SNX14: variants seen among roughly 807,000 people sequenced by gnomAD.
The protein encoded by SNX14 is sorting nexin-14.
Under a neutral mutation model 133.8 loss-of-function variants are expected in SNX14, and 93 were observed. That is an observed-to-expected ratio of 0.70 (90% CI 0.59 to 0.83). The LOEUF is 0.83. Among genes scored for constraint, SNX14 ranks in the 40% least tolerant of loss-of-function variants. The pLI, the probability that SNX14 is intolerant of heterozygous loss-of-function variation, is 0.00. For synonymous variants in SNX14, 368 were observed against 365.6 expected (o/e 1.01, Z -0.07); for missense variants, 945 against 1,094.9 (o/e 0.86, Z 1.93).
intron 23 of SNX14, among the ~76,000 whole-genome samples, chr6:85,516,583 A>G (rs1775063818): frequency 6.6e-6 from 1 of 151,968 alleles, no homozygotes; most frequent in Admixed American, 6.6e-5. Context: ...GAGAAAGAAA[A>G]ATTATAGGCT....
At chr6:85,524,959 ATGTACT>A (rs1401893600) in intron 21 of SNX14, among the ~76,000 whole-genome samples, 2 of 152,158 alleles carry the variant, frequency 1.3e-5, no homozygotes, top group Admixed American at 6.5e-5. Context: ...TTTTTTATAC[ATGTACT>A]TGTAATGTAT....
intron 1 of SNX14, among the ~76,000 whole-genome samples, chr6:85,579,749 A>G (rs1430552843): frequency 1.3e-5 from 2 of 152,244 alleles, no homozygotes; most frequent in Non-Finnish European, 2.9e-5. Flanking sequence ...CCTGAGTTTC[A>G]GCAATCCTTG....
chr6:85,558,729 C>T (rs895896643), intron 6 of SNX14, among the ~76,000 whole-genome samples: 4 of 152,068 alleles, frequency 2.6e-5, no homozygotes, highest in Non-Finnish European at 5.9e-5. Context: ...CTCCCAACAG[C>T]CTCCCAAAGT....
intron 18 of SNX14, among the ~76,000 whole-genome samples, chr6:85,533,042 AC>A (rs1401099956): frequency 6.6e-6 from 1 of 152,094 alleles, no homozygotes; most frequent in East Asian, 1.9e-4. Context: ...ACGCACCAAG[AC>A]GTGTGGCTAA....
At chr6:85,553,090 G>T (rs544521901) in intron 7 of SNX14, among the ~76,000 whole-genome samples, 1 of 152,262 alleles carries the variant, frequency 6.6e-6, no homozygotes, top group Admixed American at 6.5e-5. Context: ...AATTCAGGTC[G>T]TAAGCATTAG....
In SNX14 at chr6:85,541,706, T is replaced by C. The variant is rs556101314; in HGVS notation, c.1448+279A>G. On this transcript the variant is annotated intron_variant, in intron 15 of 28. Coordinates refer to ENST00000314673, the MANE Select transcript of SNX14 (RefSeq NM_153816.6). ...CTGTGGATGCCACTTATGCATTCAG[T>C]CCCTAGTCTCCAATAAAGCTGGTAA... Among the ~76,000 whole-genome samples, 65 of 152,182 alleles carry C rather than the reference T, an allele frequency of 4.3e-4. 3 individuals are homozygous for C. Among genetic ancestry groups the C allele is most frequent in the Non-Finnish European group, 5.9e-5 (4 of 68,020 alleles).
At chr6:85,506,048 G>A (rs62443330) in intron 28 of SNX14, 43 bp from the exon 29 acceptor site, 50,777 of 1,329,308 alleles carry the variant, frequency 0.038, 1,206 homozygotes, top group Non-Finnish European at 0.046. Context: ...CAAGACACAG[G>A]TTCATTTGTA....
At position 85,530,262 on chromosome 6, in the gene SNX14, A is replaced by T. The variant is rs780173549; in HGVS notation, c.1824T>A (p.Pro608=). The T allele has an allele frequency of 1.9e-6, 3 of 1,599,164 alleles. No individual in the cohort carries two copies. Among genetic ancestry groups the T allele is most frequent in the East Asian group, 2.3e-5 (1 of 44,046 alleles). ...ATCTTCTATAGACAGACCAATGTTC[A>T]GGCTCGTGTCCAACTGTAAATTGAG... The part of the protein sequence containing the change: ...RNDRRAVGHE[P]EHWSVYRRYL... The change falls in exon 19 of 29, where the codon CCT becomes CCA. Residue 608 remains proline, a synonymous_variant. Transcript: ENST00000314673.
intron 1 of SNX14, among the ~76,000 whole-genome samples, chr6:85,586,919 G>A (rs990507206): frequency 6.6e-6 from 1 of 152,152 alleles, no homozygotes; most frequent in Non-Finnish European, 1.5e-5. Flanking sequence ...GATGGTGGAT[G>A]CCTGTAATCC....
intron 26 of SNX14, among the ~76,000 whole-genome samples, chr6:85,509,787 T>A (rs1001399856): frequency 6.6e-6 from 1 of 152,190 alleles, no homozygotes; most frequent in Non-Finnish European, 1.5e-5. Context: ...GTAGTTTCAC[T>A]GCCCCAAAAA....
chr6:85,566,091 C>A (rs1793728290), intron 5 of SNX14, among the ~76,000 whole-genome samples: 1 of 152,158 alleles, frequency 6.6e-6, no homozygotes, highest in Non-Finnish European at 1.5e-5. Context: ...ACTGTTAACC[C>A]TACAGAAGGG....
At position 85,543,582 on chromosome 6, in the gene SNX14, C is replaced by A; in HGVS notation, c.1264+23G>T. ...AAAACTGTAAGAGTGCTAAATAAGT[C>A]ATTCTTATCGTCTTTGACTTACTTC... On this transcript the variant is annotated intron_variant, in intron 13 of 28. Transcript: ENST00000314673. 1.9e-6 allele frequency: 3 copies of A among 1,542,468 alleles called. No homozygotes were observed. In the South Asian group the frequency reaches 3.7e-5, roughly 19 times the overall value.
At chr6:85,534,636 C>T (rs1009454639) in intron 17 of SNX14, among the ~76,000 whole-genome samples, 4 of 152,130 alleles carry the variant, frequency 2.6e-5, no homozygotes, top group African/African-American at 7.2e-5. Flanking sequence ...AGATAGCCTC[C>T]TATTCCTAAA....
chr6:85,588,737 C>T (rs1801838013), intron 1 of SNX14: 3 of 326,514 alleles, frequency 9.2e-6, no homozygotes, highest in South Asian at 5.4e-5. Flanking sequence ...AAAGCCTTAC[C>T]AATACAGTAA....
chr6:85,512,168 A>G (rs1353290270), intron 26 of SNX14, among the ~76,000 whole-genome samples: 2 of 152,128 alleles, frequency 1.3e-5, no homozygotes, highest in East Asian at 3.9e-4. Context: ...GGCTCTGGTC[A>G]CTTTCTACTG....
At chr6:85,532,459 T>A (rs1209021763) in intron 18 of SNX14, among the ~76,000 whole-genome samples, 1 of 152,240 alleles carries the variant, frequency 6.6e-6, no homozygotes, top group Non-Finnish European at 1.5e-5. Flanking sequence ...GATCAACTTC[T>A]GAGGAAAATC....
At position 85,530,310 on chromosome 6, in the gene SNX14, T is replaced by C. The variant is rs770552790; in HGVS notation, c.1811-35A>G. 2.3e-6 allele frequency: 3 copies of C among 1,324,086 alleles called. No homozygotes were observed. In the African/African-American group the frequency reaches 4.5e-5, roughly 20 times the overall value. The allele number at this position is 1,324,086 out of a possible 1,614,324, so 82.0% of individuals were successfully genotyped here. ...GAGTACACACACACTGAGTAACAAA[T>C]AATTTCAAAACCTAAAAGAATGCCA... On this transcript the variant is annotated intron_variant, in intron 18 of 28. Coordinates refer to ENST00000314673, the MANE Select transcript of SNX14 (RefSeq NM_153816.6).
chr6:85,543,439 AATAC>A, intron 13 of SNX14, 133 bp from the exon 14 acceptor site: 1 of 1,060,614 alleles, frequency 9.4e-7, no homozygotes, highest in East Asian at 2.8e-5. Flanking sequence ...AGTTCTGACA[AATAC>A]ATAAAGTATA....
At chr6:85,582,920 T>G (rs778976116) in intron 1 of SNX14, among the ~76,000 whole-genome samples, 3 of 152,208 alleles carry the variant, frequency 2.0e-5, no homozygotes, top group Non-Finnish European at 4.4e-5. Context: ...AAACTCATTT[T>G]ATGAGTCCAG....
Sources: allele counts gnomAD v4.1 joint callset (sites outside exome capture counted in the v4.1 genomes callset), GRCh38; gene constraint gnomAD v4.1.1; transcripts MANE v1.5; gene names NCBI Gene and HGNC (gene_info 2026-07-23, HGNC 2026-07-21).